The following SCAP variants were observed in gnomAD, a reference collection of about 807,000 sequenced individuals.
SCAP encodes the protein SREBF chaperone, also known as sterol regulatory element-binding protein cleavage-activating protein.
SCAP carries 65 observed loss-of-function variants against 123.6 expected under a neutral mutation model. That is an observed-to-expected ratio of 0.53 (90% confidence interval 0.43 to 0.65). The LOEUF (loss-of-function observed/expected upper bound fraction) is 0.65, where lower values mean the gene tolerates loss of function less well. SCAP is among the 30% of genes least tolerant of loss of function. SCAP has a pLI of 0.00. For missense variants in SCAP, 1,398 were observed against 1,712.5 expected, an observed-to-expected ratio of 0.82 and a Z score of 3.24; for synonymous variants, 740 against 726.3, an observed-to-expected ratio of 1.02 and a Z score of -0.30.
In SCAP at chr3:47,414,271, C is replaced by G; in HGVS notation, c.3503G>C (p.Cys1168Ser). ...ACTGCTGATGACACAGGAGGTGGTA[C>G]AGGTAAGGGAGGTGACATCCCCACG... ...AHRGDVTSLTCTTSCVISSGL... is the reference protein window; with the variant it reads ...AHRGDVTSLTSTTSCVISSGL... Residue 1168 changes from cysteine to serine, a missense_variant, in exon 22 of 23, where the codon TGT becomes TCT. Cys to Ser is a moderately radical substitution (Grantham distance 112). Around this residue, in one of 7 missense-constraint regions of SCAP, gnomAD observed 130 missense variants for 166.7 expected, o/e 0.78. Coordinates refer to ENST00000265565, the MANE Select transcript of SCAP (RefSeq NM_012235.4). 2.5e-6 allele frequency: 4 copies of G among 1,613,516 alleles called. No homozygotes were observed. The highest frequency in any genetic ancestry group is 3.4e-6 in the Non-Finnish European group (4 of 1,180,010).
intron 1 of SCAP, among the ~76,000 whole-genome samples, chr3:47,458,711 A>G (rs1319534791): frequency 1.3e-5 from 2 of 152,200 alleles, no homozygotes; most frequent in Non-Finnish European, 2.9e-5. Context: ...TTTCTTCCAC[A>G]ATGCCAGTTA....
intron 9 of SCAP, among the ~76,000 whole-genome samples, chr3:47,422,990 G>T (rs1011314239): frequency 6.6e-6 from 1 of 152,190 alleles, no homozygotes; most frequent in East Asian, 1.9e-4. Flanking sequence ...GCCCCTTCCT[G>T]TAGTGAGCCC....
At chr3:47,425,041 T>A (rs1348056349) in intron 8 of SCAP, among the ~76,000 whole-genome samples, 1 of 152,194 alleles carries the variant, frequency 6.6e-6, no homozygotes, top group African/African-American at 2.4e-5. Flanking sequence ...CATTAGGCAT[T>A]TAAATGTTCT....
In SCAP at chr3:47,420,856, C is replaced by A; in HGVS notation, c.1344+75G>T. The A allele has an allele frequency of 6.3e-7, 1 of 1,585,814 alleles. No individual in the cohort carries two copies. The highest frequency in any genetic ancestry group is 1.1e-5 in the South Asian group (1 of 90,382). On this transcript the variant is annotated intron_variant, in intron 11 of 22. Coordinates refer to ENST00000265565, the MANE Select transcript of SCAP (RefSeq NM_012235.4). The surrounding 1 kb of genome is among the most constrained non-coding windows in gnomAD (Gnocchi z 5.0). Reference sequence around the variant, plus strand: ...ACCGCTGTCCTGCCCGAGGTCTACACCCTTCTCACCCAGGACTCCCTCAGT... The same window carrying A: ...ACCGCTGTCCTGCCCGAGGTCTACAACCTTCTCACCCAGGACTCCCTCAGT...
At chr3:47,415,222 C>T (rs1407620852) in intron 18 of SCAP, 42 bp from the exon 19 acceptor site, 1 of 1,561,410 alleles carries the variant, frequency 6.4e-7, no homozygotes. Context: ...TCCCTTAGAG[C>T]CCCAGCCCTG....
At chr3:47,427,830 T>C (rs1706203180) in intron 4 of SCAP, among the ~76,000 whole-genome samples, 163 bp from the exon 5 acceptor site, 1 of 152,124 alleles carries the variant, frequency 6.6e-6, no homozygotes, top group East Asian at 1.9e-4. Context: ...TACTTCCAGG[T>C]GGCCAATAAC....
chr3:47,425,537 T>C lies in SCAP; in HGVS notation c.985A>G (p.Met329Val). 6.2e-7 allele frequency: 1 copy of C among 1,614,062 alleles called. No homozygotes were observed. Among genetic ancestry groups the C allele is most frequent in the Non-Finnish European group, 8.5e-7 (1 of 1,180,034 alleles). ...AAGAGTGTGCAGAGTCCCACAGACA[T>C]GAGCAGCGAGCTGAGCACTGTGACC... ...AVVTVLSSLLMSVGLCTLFGL... is the reference protein window; with the variant it reads ...AVVTVLSSLLVSVGLCTLFGL... The change falls in exon 8 of 23, where the codon ATG becomes GTG. Residue 329 changes from methionine (M) to valine (V), a missense_variant. Around this residue, in one of 7 missense-constraint regions of SCAP, gnomAD observed 319 missense variants for 432.4 expected, o/e 0.74. Coordinates refer to ENST00000265565, the MANE Select transcript of SCAP (RefSeq NM_012235.4).
chr3:47,473,099 A>AAAAAAAAAAAAAAAAAAAAAAAAAAC (rs1559576281), intron 1 of SCAP, among the ~76,000 whole-genome samples: 1 of 148,112 alleles, frequency 6.8e-6, no homozygotes, highest in African/African-American at 2.5e-5. Flanking sequence ...AAAAAAAAAA[A>AAAAAAAAAAAAAAAAAAAAAAAAAAC]CAGACTGTGG....
chr3:47,421,058 G>T (rs781519926), intron 10 of SCAP, 29 bp from the exon 11 acceptor site: 12 of 1,583,182 alleles, frequency 7.6e-6, no homozygotes, highest in Non-Finnish European at 1.0e-5. Context: ...GGGATGGGGG[G>T]GTGCCGTGAC....
intron 1 of SCAP, among the ~76,000 whole-genome samples, chr3:47,459,696 TC>T (rs1313568039): frequency 1.3e-5 from 2 of 152,154 alleles, no homozygotes; most frequent in African/African-American, 4.8e-5. Context: ...ATCACATGCT[TC>T]TGAGGAAACA....
At chr3:47,431,658 G>A (rs2107845717) in intron 3 of SCAP, among the ~76,000 whole-genome samples, 1 of 152,274 alleles carries the variant, frequency 6.6e-6, no homozygotes, top group East Asian at 1.9e-4. Context: ...GCGGTTATGG[G>A]TTTGGGAGAG....
rs756897137 is a variant in SCAP, at chr3:47,415,130, G to A, written c.3107C>T (p.Thr1036Ile). ...NGSLDFFSLE[T>I]HTALSPLQFR... ...CTGCAGGGGGCTGAGGGCAGTGTGG[G>A]TCTCCAAGGAGAAGAAATCAAGGGA... The change falls in exon 19 of 23, where the codon ACC (threonine) becomes ATC (isoleucine). Residue 1036 changes from threonine (T) to isoleucine (I), a missense_variant. Physicochemically the swap from Thr to Ile is moderately conservative, Grantham distance 89 (BLOSUM62 -1). This residue lies in a region of SCAP where 828 missense variants were observed against 882.5 expected (regional missense o/e 0.94). Transcript: ENST00000265565. 6.3e-5 allele frequency: 102 copies of A among 1,612,074 alleles called. No individual in the cohort carries two copies. The highest frequency in any genetic ancestry group is 8.6e-5 in the Non-Finnish European group (101 of 1,179,522).
chr3:47,465,250 A>C (rs1707780747), intron 1 of SCAP, among the ~76,000 whole-genome samples: 1 of 151,504 alleles, frequency 6.6e-6, no homozygotes, highest in Admixed American at 6.6e-5. Context: ...GGTTCACTGC[A>C]ATCTCCGCCT....
intron 1 of SCAP, among the ~76,000 whole-genome samples, chr3:47,471,211 A>C (rs1483222631): frequency 1.3e-5 from 2 of 152,234 alleles, no homozygotes; most frequent in Non-Finnish European, 2.9e-5. Flanking sequence ...GGAGGCAGGG[A>C]AAGGCAAGGC....
chr3:47,441,439 G>C (rs1023205730), intron 2 of SCAP, among the ~76,000 whole-genome samples: 3 of 151,916 alleles, frequency 2.0e-5, no homozygotes, highest in Non-Finnish European at 4.4e-5. Flanking sequence ...CTACATTCCA[G>C]CCTGGCTGAC....
At position 47,442,925 on chromosome 3, in the gene SCAP, T is replaced by G; in HGVS notation, c.69A>C (p.Ala23=). The G allele has an allele frequency of 6.2e-7, 1 of 1,614,148 alleles. No individual in the cohort carries two copies. The highest frequency in any genetic ancestry group is 1.1e-5 in the South Asian group (1 of 91,076). Residue 23 remains alanine (A), a synonymous_variant, in exon 2 of 23, where the codon GCA becomes GCC. Coordinates refer to ENST00000265565, the MANE Select transcript of SCAP (RefSeq NM_012235.4). ...AGAGGATGATGGGGATGGGATAGGA[T>G]GCACAGAGGAGCCCATGGTTGTAGA... ...RAFYNHGLLC[A]SYPIPIILFT...
intron 3 of SCAP, among the ~76,000 whole-genome samples, chr3:47,433,677 GC>G (rs1435807782): frequency 6.6e-6 from 1 of 152,120 alleles, no homozygotes; most frequent in Admixed American, 6.6e-5. Flanking sequence ...GACCAGCCTG[GC>G]CAACATGGTG....
intron 1 of SCAP, chr3:47,470,129 G>T (rs1054001319): frequency 5.8e-6 from 1 of 172,342 alleles, no homozygotes; most frequent in Admixed American, 6.3e-5. Flanking sequence ...ATTATTTTCA[G>T]ATTAAGTTGG....
Position 47,449,278 on chromosome 3 carries a change from A to C in SCAP, c.-98-6187T>G, listed in dbSNP as rs1707164441. ...ATTTGTTGAGCTCCTTCCTCTACAC[A>C]ATCTTCCTAACACTTTCCAGATCCC... On this transcript the variant is annotated intron_variant, in intron 1 of 22. Transcript: ENST00000265565. Among the ~76,000 whole-genome samples, 2 of 125,174 alleles carry C rather than the reference A, an allele frequency of 1.6e-5. 1 individual carries two copies. Among genetic ancestry groups the C allele is most frequent in the African/African-American group, 5.5e-5 (2 of 36,520 alleles). 82.1% of individuals were successfully genotyped at this position (125,174 alleles called of 152,430 possible).
Sources: allele counts gnomAD v4.1 joint callset (sites outside exome capture counted in the v4.1 genomes callset), GRCh38; gene constraint gnomAD v4.1.1; regional missense constraint gnomAD v4.1.1; non-coding constraint Gnocchi (gnomAD v3.1); transcripts MANE v1.5; gene names NCBI Gene and HGNC (gene_info 2026-07-23, HGNC 2026-07-21).